HCN1: variants seen among roughly 807,000 people sequenced by gnomAD.
The protein encoded by HCN1 is hyperpolarization activated cyclic nucleotide gated potassium channel 1, also known as potassium/sodium hyperpolarization-activated cyclic nucleotide-gated channel 1.
Under a neutral mutation model 78.9 loss-of-function variants are expected in HCN1, and 13 were observed. That is an observed-to-expected ratio of 0.16 (90% CI 0.11 to 0.26). The LOEUF (loss-of-function observed/expected upper bound fraction) is 0.26. Ranked by LOEUF, HCN1 falls within the 10% of genes least tolerant of loss-of-function variation. The pLI, the probability that HCN1 is intolerant of heterozygous loss-of-function variation, is 1.00. For missense variants in HCN1, 810 were observed against 1,154.3 expected (o/e 0.70, Z 4.32); for synonymous variants, 552 against 455.5 (o/e 1.21, Z -2.70).
At chr5:45,326,260 T>C (rs1461583132) in intron 5 of HCN1, among the ~76,000 whole-genome samples, 11 of 151,726 alleles carry the variant, frequency 7.2e-5, no homozygotes, top group Admixed American at 5.9e-4. Flanking sequence ...ACTGAAAATG[T>C]ATATCTTTAT....
At chr5:45,485,607 T>C (rs1741740821) in intron 2 of HCN1, among the ~76,000 whole-genome samples, 1 of 152,216 alleles carries the variant, frequency 6.6e-6, no homozygotes, top group Non-Finnish European at 1.5e-5. Flanking sequence ...ATAAAAGTGA[T>C]ATGTTTCTTT....
chr5:45,344,085 T>TA (rs982625172), intron 5 of HCN1, among the ~76,000 whole-genome samples: 1 of 152,064 alleles, frequency 6.6e-6, no homozygotes, highest in Non-Finnish European at 1.5e-5. Flanking sequence ...AACTTACACT[T>TA]ATGGTAAAAG....
intron 2 of HCN1, among the ~76,000 whole-genome samples, chr5:45,593,687 T>A (rs970472380): frequency 6.6e-6 from 1 of 151,520 alleles, no homozygotes; most frequent in East Asian, 1.9e-4. Flanking sequence ...TTTATTTATT[T>A]ATTTAAAGAC....
chr5:45,315,583 A>T (rs938218757), intron 5 of HCN1, among the ~76,000 whole-genome samples: 1 of 152,212 alleles, frequency 6.6e-6, no homozygotes, highest in African/African-American at 2.4e-5. Context: ...ACTGAAGGAG[A>T]TAGAGACACA....
intron 3 of HCN1, among the ~76,000 whole-genome samples, chr5:45,429,530 GA>G (rs905254519): frequency 2.5e-4 from 38 of 149,796 alleles, no homozygotes; most frequent in African/African-American, 5.6e-4. Flanking sequence ...TGACAGATAA[GA>G]AAAAAAAAGG....
chr5:45,496,085 G>A (rs548301651), intron 2 of HCN1, among the ~76,000 whole-genome samples: 11 of 152,148 alleles, frequency 7.2e-5, no homozygotes, highest in South Asian at 4.2e-4. Context: ...GTCTCTGCAC[G>A]GCTTTGGTAT....
intron 2 of HCN1, among the ~76,000 whole-genome samples, chr5:45,597,766 C>T (rs1258028171): frequency 6.6e-6 from 1 of 152,124 alleles, no homozygotes; most frequent in Non-Finnish European, 1.5e-5. Context: ...CATTACTATA[C>T]AGCAATAACA....
chr5:45,573,867 A>G (rs1179288270), intron 2 of HCN1, among the ~76,000 whole-genome samples: 2 of 152,160 alleles, frequency 1.3e-5, no homozygotes, highest in African/African-American at 4.8e-5. Context: ...CTTAAAAACC[A>G]TTATATAAGC....
chr5:45,485,265 T>A (rs764701549), intron 2 of HCN1, among the ~76,000 whole-genome samples: 1 of 152,212 alleles, frequency 6.6e-6, no homozygotes, highest in Non-Finnish European at 1.5e-5. Flanking sequence ...CTTCCACACA[T>A]GCCTCATTTT....
At chr5:45,487,673 A>G (rs1741795936) in intron 2 of HCN1, among the ~76,000 whole-genome samples, 1 of 152,108 alleles carries the variant, frequency 6.6e-6, no homozygotes, top group African/African-American at 2.4e-5. Flanking sequence ...ATACAAAATA[A>G]TGTAAGTTCA....
intron 2 of HCN1, among the ~76,000 whole-genome samples, chr5:45,597,222 G>A (rs554289788): frequency 1.3e-4 from 20 of 152,050 alleles, no homozygotes; most frequent in African/African-American, 4.8e-4. Flanking sequence ...TATCCACCAC[G>A]ATCAAGTCAA....
At chr5:45,307,056 C>T (rs538611842) in intron 5 of HCN1, among the ~76,000 whole-genome samples, 1 of 152,058 alleles carries the variant, frequency 6.6e-6, no homozygotes, top group East Asian at 1.9e-4. Flanking sequence ...AAGAACCCCA[C>T]AGTAATGAAG....
chr5:45,269,577 G>C (rs1262615377), intron 6 of HCN1, among the ~76,000 whole-genome samples: 1 of 152,098 alleles, frequency 6.6e-6, no homozygotes, highest in Non-Finnish European at 1.5e-5. Context: ...AAATAGGCGG[G>C]GAGCTTGTCC....
At chr5:45,571,717 C>T (rs570050588) in intron 2 of HCN1, among the ~76,000 whole-genome samples, 6 of 152,180 alleles carry the variant, frequency 3.9e-5, no homozygotes, top group South Asian at 4.1e-4. Context: ...TAGTTTGAGA[C>T]GAGCCTGACT....
chr5:45,654,155 A>G (rs1319165643), intron 1 of HCN1, among the ~76,000 whole-genome samples: 1 of 152,070 alleles, frequency 6.6e-6, no homozygotes, highest in Admixed American at 6.6e-5. Flanking sequence ...TGCAGAATCC[A>G]AACATCTGTT....
rs2112022524 is a variant in HCN1 at position 45,378,283 on chromosome 5, A to G, written c.1230+18209T>C. On this transcript the variant is annotated intron_variant, in intron 4 of 7. Coordinates refer to ENST00000303230, the MANE Select transcript of HCN1 (RefSeq NM_021072.4). ...CATTCAGCATGTTTTGTTGTTCTTC[A>G]GTTCTTATTAATTCTTGGGTCAAAC... is the stretch of plus-strand genomic sequence containing the variant. 1.3e-5 allele frequency among the ~76,000 whole-genome samples: 2 copies of G among 152,148 alleles called. 1 individual carries two copies. The highest frequency in any genetic ancestry group is 6.8e-3 in the Middle Eastern group (2 of 294).
chr5:45,542,268 G>T (rs1456033534), intron 2 of HCN1, among the ~76,000 whole-genome samples: 1 of 152,054 alleles, frequency 6.6e-6, no homozygotes, highest in African/African-American at 2.4e-5. Flanking sequence ...ATAAAATATA[G>T]TTTTATTCTA....
intron 6 of HCN1, among the ~76,000 whole-genome samples, chr5:45,302,874 C>A (rs570883085): frequency 6.6e-6 from 1 of 152,098 alleles, no homozygotes; most frequent in South Asian, 2.1e-4. Flanking sequence ...TCTCTTGCTG[C>A]CATCATGTAA....
At chr5:45,470,041 A>G (rs1561166919) in intron 2 of HCN1, among the ~76,000 whole-genome samples, 1 of 152,054 alleles carries the variant, frequency 6.6e-6, no homozygotes. Flanking sequence ...AGGGGAGATA[A>G]CAGAAAGAAA....
Sources: gnomAD v4.1 joint callset for allele counts (sites outside exome capture counted in the v4.1 genomes callset) on GRCh38, gnomAD v4.1.1 for gene constraint, MANE v1.5 for transcripts, NCBI Gene and HGNC (gene_info 2026-07-23, HGNC 2026-07-21) for gene names.